Variants in SMOC2 observed in about 807,000 individuals in gnomAD.
SMOC2 encodes SPARC-related modular calcium-binding protein 2.
SMOC2 carries 39 observed loss-of-function variants against 61.4 expected under a neutral mutation model. The ratio of observed to expected loss-of-function variants is 0.64; its 90% CI spans 0.49 to 0.83. The LOEUF (loss-of-function observed/expected upper bound fraction) is 0.83. Ranked by LOEUF, SMOC2 falls within the 40% of genes least tolerant of loss-of-function variation. The pLI, the probability that SMOC2 is intolerant of heterozygous loss-of-function variation, is 0.00. For missense variants in SMOC2, 556 were observed against 592.9 expected, an observed-to-expected ratio of 0.94 and a Z score of 0.65; for synonymous variants, 247 against 239.9, an observed-to-expected ratio of 1.03 and a Z score of -0.27.
At chr6:168,632,272 T>G (rs2115248551) in intron 9 of SMOC2, among the ~76,000 whole-genome samples, 1 of 152,260 alleles carries the variant, frequency 6.6e-6, no homozygotes, top group Admixed American at 6.5e-5. Flanking sequence ...CTTCCTTAAT[T>G]AGATCACTTT....
At chr6:168,503,165 G>A (rs1189560566) in intron 1 of SMOC2, among the ~76,000 whole-genome samples, 6 of 128,126 alleles carry the variant, frequency 4.7e-5, no homozygotes, top group Non-Finnish European at 7.8e-5. Flanking sequence ...TGCAACCTCC[G>A]CCTCCTGGGC....
chr6:168,497,555 C>T (rs1286332981), intron 1 of SMOC2, among the ~76,000 whole-genome samples: 1 of 152,148 alleles, frequency 6.6e-6, no homozygotes, highest in African/African-American at 2.4e-5. Context: ...ACGCAGATCC[C>T]TCAGTGACGG....
chr6:168,514,529 G>A (rs1025092179), intron 2 of SMOC2, among the ~76,000 whole-genome samples: 2 of 152,252 alleles, frequency 1.3e-5, no homozygotes, highest in Non-Finnish European at 2.9e-5. Flanking sequence ...TCACACTGGA[G>A]AAAGACTCAG....
intron 9 of SMOC2, among the ~76,000 whole-genome samples, chr6:168,608,810 C>A (rs1583156509): frequency 6.6e-6 from 1 of 152,182 alleles, no homozygotes; most frequent in African/African-American, 2.4e-5. Context: ...AGCTTCAAAG[C>A]TACTTGCCAT....
At chr6:168,468,024 G>A (rs1031918500) in intron 1 of SMOC2, among the ~76,000 whole-genome samples, 9 of 152,230 alleles carry the variant, frequency 5.9e-5, no homozygotes, top group Admixed American at 5.9e-4. Context: ...GTGTTGTTTT[G>A]TTTTTAAAAA....
chr6:168,656,646 T>A (rs1440856978), intron 11 of SMOC2, among the ~76,000 whole-genome samples: 1 of 151,384 alleles, frequency 6.6e-6, no homozygotes, highest in Non-Finnish European at 1.5e-5. Context: ...GAGGAGGCAG[T>A]GATCATCGTC....
At chr6:168,444,019 G>A (rs548130319) in intron 1 of SMOC2, among the ~76,000 whole-genome samples, 3 of 152,324 alleles carry the variant, frequency 2.0e-5, no homozygotes, top group East Asian at 3.9e-4. Flanking sequence ...TGCCCATGCC[G>A]TGGGTCCGTA....
chr6:168,455,272 CTT>C (rs1201092669), intron 1 of SMOC2, among the ~76,000 whole-genome samples: 1 of 152,184 alleles, frequency 6.6e-6, no homozygotes, highest in African/African-American at 2.4e-5. Flanking sequence ...GAGTTTTCTT[CTT>C]TAAGATATAA....
intron 2 of SMOC2, among the ~76,000 whole-genome samples, chr6:168,515,396 C>A (rs989588210): frequency 3.3e-5 from 5 of 152,208 alleles, no homozygotes; most frequent in Non-Finnish European, 7.3e-5. Context: ...CTGGGTGTCA[C>A]GCCCTTCTGA....
chr6:168,576,683 C>T (rs1475804821), intron 7 of SMOC2, among the ~76,000 whole-genome samples: 1 of 151,964 alleles, frequency 6.6e-6, no homozygotes, highest in African/African-American at 2.4e-5. Flanking sequence ...TCAGGTGATC[C>T]GAGTCCTTGG....
intron 7 of SMOC2, among the ~76,000 whole-genome samples, chr6:168,595,403 G>A (rs942908611): frequency 6.6e-5 from 10 of 152,296 alleles, no homozygotes; most frequent in East Asian, 5.8e-4. Context: ...CTCTACCAGC[G>A]TGATTAAGTC....
intron 1 of SMOC2, among the ~76,000 whole-genome samples, chr6:168,443,700 T>C (rs2114986849): frequency 6.6e-6 from 1 of 152,290 alleles, no homozygotes; most frequent in East Asian, 1.9e-4. Flanking sequence ...AATTGCCTTC[T>C]GGTTTTTGGA....
chr6:168,649,739 A>G (rs536911704), intron 9 of SMOC2, among the ~76,000 whole-genome samples: 2 of 152,246 alleles, frequency 1.3e-5, no homozygotes, highest in Non-Finnish European at 1.5e-5. Flanking sequence ...TTGCTTATTG[A>G]TCCAGCAAGC....
Position 168,535,021 on chromosome 6 carries a change from A to T in SMOC2, c.463+7294A>T, listed in dbSNP as rs541204818. On this transcript the variant is annotated intron_variant, in intron 4 of 12. Coordinates refer to ENST00000356284, the MANE Select transcript of SMOC2 (RefSeq NM_001166412.2). The surrounding 1 kb of genome is among the most constrained non-coding windows in gnomAD (Gnocchi z 4.6). Reference sequence around the variant, plus strand: ...AGTCTGGCTCTGTCGCCCAGGCTGGAGTGCAGTGGCACAATCTCGGCTCAC... The same window carrying T: ...AGTCTGGCTCTGTCGCCCAGGCTGGTGTGCAGTGGCACAATCTCGGCTCAC... Among the ~76,000 whole-genome samples, 993 of 152,156 alleles carry T rather than the reference A, an allele frequency of 6.5e-3. 55 individuals are homozygous for T. Among genetic ancestry groups the T allele is most frequent in the Admixed American group, 0.058 (881 of 15,272 alleles).
rs1331523688 is a variant in SMOC2, at chr6:168,535,396, A to G, written c.463+7669A>G. On this transcript the variant is annotated intron_variant, in intron 4 of 12. Coordinates refer to ENST00000356284, the MANE Select transcript of SMOC2 (RefSeq NM_001166412.2). The surrounding 1 kb of genome is among the most constrained non-coding windows in gnomAD (Gnocchi z 4.6). ...TGCAGCTACAACAGTTAAATGTTGC[A>G]AAGATTTATGAAACTATTAAAATGT... Among the ~76,000 whole-genome samples, 4 of 152,206 alleles carry G rather than the reference A, an allele frequency of 2.6e-5. No homozygotes were observed. Among genetic ancestry groups the G allele is most frequent in the African/African-American group, 9.6e-5 (4 of 41,460 alleles).
chr6:168,636,146 G>A (rs571178404), intron 9 of SMOC2, among the ~76,000 whole-genome samples: 21 of 152,276 alleles, frequency 1.4e-4, no homozygotes, highest in East Asian at 9.7e-4. Flanking sequence ...GACTTCTGCC[G>A]TGAAAGTTTT....
chr6:168,530,118 T>C (rs1783554478), intron 4 of SMOC2, among the ~76,000 whole-genome samples: 2 of 152,050 alleles, frequency 1.3e-5, no homozygotes, highest in South Asian at 2.1e-4. Context: ...AATCAGACAA[T>C]GAGATTTAAA....
rs568108743 is a variant in SMOC2 at position 168,636,265 on chromosome 6, G to A, written c.908-14416G>A. 7.9e-5 allele frequency among the ~76,000 whole-genome samples: 12 copies of A among 152,254 alleles called. No individual in the cohort carries two copies. In the South Asian group the frequency reaches 1.9e-3, roughly 24 times the overall value. On this transcript the variant is annotated intron_variant, in intron 9 of 12. Transcript: ENST00000356284. ...AGTGGCATGGTGCTCGGCACAGGTG[G>A]TCACACCAGCTCATCATGCCAGCAC...
At chr6:168,592,057 A>G (rs1785193950) in intron 7 of SMOC2, among the ~76,000 whole-genome samples, 1 of 152,210 alleles carries the variant, frequency 6.6e-6, no homozygotes, top group Non-Finnish European at 1.5e-5. Flanking sequence ...CACTTAACAG[A>G]ACCAAGTGTC....
Sources: allele counts gnomAD v4.1 joint callset (sites outside exome capture counted in the v4.1 genomes callset), GRCh38; gene constraint gnomAD v4.1.1; non-coding constraint Gnocchi (gnomAD v3.1); transcripts MANE v1.5; gene names NCBI Gene and HGNC (gene_info 2026-07-23, HGNC 2026-07-21).